The following CDH4 variants were observed in gnomAD, a reference collection of about 807,000 sequenced individuals.
CDH4 encodes cadherin 4.
CDH4 carries 33 observed loss-of-function variants against 86.0 expected under a neutral mutation model. That is an observed-to-expected ratio of 0.38 (90% CI 0.29 to 0.51). The LOEUF (loss-of-function observed/expected upper bound fraction) is 0.51. Ranked by LOEUF, CDH4 falls within the 20% of genes least tolerant of loss-of-function variation. CDH4 has a pLI of 0.86. For missense variants in CDH4, 1,114 were observed against 1,307.4 expected (o/e 0.85, Z 2.28); for synonymous variants, 555 against 549.4 (o/e 1.01, Z -0.14).
At chr20:61,346,327 G>A (rs1347696243) in intron 2 of CDH4, among the ~76,000 whole-genome samples, 1 of 152,192 alleles carries the variant, frequency 6.6e-6, no homozygotes, top group Non-Finnish European at 1.5e-5. Flanking sequence ...GTCGGAGGGA[G>A]GCAGGGATCA....
intron 2 of CDH4, among the ~76,000 whole-genome samples, chr20:61,425,228 AC>A (rs2085205360): frequency 6.6e-6 from 1 of 152,132 alleles, no homozygotes; most frequent in Admixed American, 6.5e-5. Flanking sequence ...GCCAACCCTC[AC>A]CCTGAGCAGG....
At chr20:61,844,213 G>A (rs1023139872) in intron 4 of CDH4, among the ~76,000 whole-genome samples, 2 of 152,078 alleles carry the variant, frequency 1.3e-5, no homozygotes, top group African/African-American at 4.8e-5. Context: ...TTGGACTTGG[G>A]ACCCGGATAA....
chr20:61,900,720 A>G (rs867352764), intron 8 of CDH4, among the ~76,000 whole-genome samples: 2 of 152,120 alleles, frequency 1.3e-5, no homozygotes, highest in African/African-American at 2.4e-5. Context: ...TCCAAGCTGC[A>G]TGGGAGAGAT....
At chr20:61,587,454 C>T (rs1420484036) in intron 2 of CDH4, among the ~76,000 whole-genome samples, 1 of 152,284 alleles carries the variant, frequency 6.6e-6, no homozygotes, top group African/African-American at 2.4e-5. Flanking sequence ...ACCAAGATAA[C>T]ATTGAATCTG....
intron 2 of CDH4, among the ~76,000 whole-genome samples, chr20:61,331,176 C>A (rs1037267921): frequency 1.5e-4 from 23 of 152,092 alleles, no homozygotes; most frequent in Non-Finnish European, 3.1e-4. Context: ...TCCTTCCATG[C>A]CCAGTGCCCA....
intron 2 of CDH4, among the ~76,000 whole-genome samples, chr20:61,679,747 G>A (rs534736851): frequency 3.3e-5 from 5 of 152,330 alleles, no homozygotes; most frequent in East Asian, 1.9e-4. Flanking sequence ...TGTAGCTCCC[G>A]ACTTAGGAAG....
At chr20:61,342,280 C>A (rs1161638402) in intron 2 of CDH4, among the ~76,000 whole-genome samples, 1 of 152,182 alleles carries the variant, frequency 6.6e-6, no homozygotes, top group Non-Finnish European at 1.5e-5. Context: ...TACTTTATTT[C>A]TCTTATTATT....
intron 2 of CDH4, among the ~76,000 whole-genome samples, chr20:61,550,148 CATGGCCTCCCTGCCCCAACCTCA>C (rs1211249375): frequency 6.6e-6 from 1 of 150,522 alleles, no homozygotes; most frequent in Non-Finnish European, 1.5e-5. Flanking sequence ...AGCCTACCTC[CATGGCCTCCCTGCCCCAACCTCA>C]CTGGCCTCCC....
chr20:61,917,492 C>A (rs1289192070), intron 9 of CDH4, among the ~76,000 whole-genome samples: 1 of 152,264 alleles, frequency 6.6e-6, no homozygotes, highest in Non-Finnish European at 1.5e-5. Flanking sequence ...GGGAGGCTCG[C>A]AGGTGGGAAT....
At chr20:61,324,765 G>T (rs576323531) in intron 2 of CDH4, among the ~76,000 whole-genome samples, 1 of 152,160 alleles carries the variant, frequency 6.6e-6, no homozygotes, top group Admixed American at 6.5e-5. Flanking sequence ...AGATTCTAGC[G>T]CCCAGGAAGA....
chr20:61,504,208 G>A (rs372311259), intron 2 of CDH4, among the ~76,000 whole-genome samples: 2 of 152,220 alleles, frequency 1.3e-5, no homozygotes, highest in South Asian at 4.1e-4. Context: ...TGGCTCCGTG[G>A]CCGGCCACAC....
intron 7 of CDH4, among the ~76,000 whole-genome samples, chr20:61,891,554 C>G (rs1984820490): frequency 6.6e-6 from 1 of 152,246 alleles, no homozygotes; most frequent in African/African-American, 2.4e-5. Context: ...CCGAGAGGCC[C>G]CTGACACCTG....
chr20:61,493,973 C>T (rs891537140), intron 2 of CDH4, among the ~76,000 whole-genome samples: 3 of 152,216 alleles, frequency 2.0e-5, no homozygotes, highest in Non-Finnish European at 4.4e-5. Context: ...GACCTGAACA[C>T]TCTGGAGCGG....
chr20:61,429,755 G>GGA, intron 2 of CDH4, among the ~76,000 whole-genome samples: 1 of 141,186 alleles, frequency 7.1e-6, no homozygotes, highest in African/African-American at 2.6e-5. Context: ...GGATAGGTGT[G>GGA]TGGATGGATG....
At position 61,894,856 on chromosome 20, in the gene CDH4, A is replaced by G. The variant is rs111622539; in HGVS notation, c.1051-54A>G. 1,064 of 1,568,882 alleles carry G rather than the reference A, an allele frequency of 6.8e-4. 9 individuals are homozygous for G. The African/African-American group carries it at 0.012, about 17-fold the overall frequency. The stretch of plus-strand genomic sequence containing the variant: ...GATTTCTTTTGATAAGTGCCCTGTC[A>G]ATTAAAACCCAAACTGATTTTCTGT... On this transcript the variant is annotated intron_variant, in intron 7 of 15. Transcript: ENST00000614565.
At chr20:61,482,670 T>C (rs894549337) in intron 2 of CDH4, among the ~76,000 whole-genome samples, 2 of 152,140 alleles carry the variant, frequency 1.3e-5, no homozygotes, top group African/African-American at 2.4e-5. Flanking sequence ...CCCCATGTGG[T>C]TGGATGCTCC....
chr20:61,935,936 G>GAGAAATTAAAAATGAAAACA (rs2055177897), intron 15 of CDH4, among the ~76,000 whole-genome samples: 1 of 152,128 alleles, frequency 6.6e-6, no homozygotes, highest in Non-Finnish European at 1.5e-5. Context: ...TAGGTCTTAG[G>GAGAAATTAAAAATGAAAACA]AGAAATTAAA....
At chr20:61,255,049 ATGG>A (rs2084091059) in intron 2 of CDH4, 112 bp downstream of exon 2, 1 of 721,400 alleles carries the variant, frequency 1.4e-6, no homozygotes, top group East Asian at 2.5e-5. Flanking sequence ...CTGTGAAATG[ATGG>A]TGGTGAAGTC....
intron 2 of CDH4, among the ~76,000 whole-genome samples, chr20:61,674,876 A>G (rs2145849963): frequency 6.6e-6 from 1 of 152,270 alleles, no homozygotes. Flanking sequence ...CCCCCTGCCT[A>G]TTTTGTAAAT....
Sources: allele counts gnomAD v4.1 joint callset (sites outside exome capture counted in the v4.1 genomes callset), GRCh38; gene constraint gnomAD v4.1.1; transcripts MANE v1.5; gene names NCBI Gene and HGNC (gene_info 2026-07-23, HGNC 2026-07-21).